ROBO1: variants seen among roughly 807,000 people sequenced by gnomAD.
The protein encoded by ROBO1 is roundabout homolog 1.
Under a neutral mutation model 195.9 loss-of-function variants are expected in ROBO1, and 149 were observed. The ratio of observed to expected loss-of-function variants is 0.76; its 90% confidence interval spans 0.67 to 0.87. The LOEUF is 0.87. Among genes scored for constraint, ROBO1 ranks in the 40% least tolerant of loss-of-function variants. The pLI, the probability that ROBO1 is intolerant of heterozygous loss-of-function variation, is 0.00. For missense variants in ROBO1, 1,933 were observed against 2,068.3 expected (o/e 0.93, Z 1.27); for synonymous variants, 816 against 733.2 (o/e 1.11, Z -1.82).
At chr3:79,636,508 T>C (rs1461615987) in intron 1 of ROBO1, among the ~76,000 whole-genome samples, 3 of 152,160 alleles carry the variant, frequency 2.0e-5, no homozygotes, top group African/African-American at 4.8e-5. Context: ...GCTGTCACAA[T>C]GGCCATCGTA....
At chr3:79,123,386 T>C (rs537828368) in intron 3 of ROBO1, among the ~76,000 whole-genome samples, 2 of 152,138 alleles carry the variant, frequency 1.3e-5, no homozygotes, top group East Asian at 3.9e-4. Context: ...TTAACTAATA[T>C]TTTTAACTAT....
intron 8 of ROBO1, among the ~76,000 whole-genome samples, chr3:78,710,011 A>C (rs1162800917): frequency 6.6e-6 from 1 of 152,220 alleles, no homozygotes; most frequent in East Asian, 1.9e-4. Context: ...ATCTAGGACT[A>C]GCTTCACTGG....
At chr3:79,578,276 G>T (rs1387369196) in intron 2 of ROBO1, among the ~76,000 whole-genome samples, 1 of 151,958 alleles carries the variant, frequency 6.6e-6, no homozygotes, top group Non-Finnish European at 1.5e-5. Context: ...GTATTTTGGT[G>T]GAAAAATACA....
intron 1 of ROBO1, among the ~76,000 whole-genome samples, chr3:79,665,629 C>T (rs1946455445): frequency 6.6e-6 from 1 of 151,798 alleles, no homozygotes; most frequent in South Asian, 2.1e-4. Context: ...GTACTCTACT[C>T]TTATAGAGAT....
At chr3:78,819,960 T>C (rs1160873284) in intron 4 of ROBO1, among the ~76,000 whole-genome samples, 1 of 152,208 alleles carries the variant, frequency 6.6e-6, no homozygotes, top group Non-Finnish European at 1.5e-5. Flanking sequence ...CCCAATGGGA[T>C]AGAACTTTTA....
intron 3 of ROBO1, among the ~76,000 whole-genome samples, chr3:79,041,375 A>C (rs368452644): frequency 3.9e-5 from 6 of 152,076 alleles, no homozygotes; most frequent in African/African-American, 1.4e-4. Flanking sequence ...CCACTTCCTC[A>C]ACCGAATCTT....
intron 4 of ROBO1, among the ~76,000 whole-genome samples, chr3:78,899,350 T>G (rs1213768346): frequency 6.6e-6 from 1 of 152,196 alleles, no homozygotes; most frequent in Non-Finnish European, 1.5e-5. Flanking sequence ...ATAATCTGAT[T>G]AGGCAATTAA....
intron 26 of ROBO1, among the ~76,000 whole-genome samples, chr3:78,622,142 G>C (rs1704495293): frequency 6.6e-6 from 1 of 151,950 alleles, no homozygotes; most frequent in Non-Finnish European, 1.5e-5. Flanking sequence ...TTGAAAAAAA[G>C]AGAAGACAAA....
intron 2 of ROBO1, among the ~76,000 whole-genome samples, chr3:79,360,995 T>A (rs1347027087): frequency 1.3e-5 from 2 of 152,118 alleles, no homozygotes; most frequent in Non-Finnish European, 2.9e-5. Context: ...GTTTTAACAT[T>A]TGTACAGTTA....
intron 3 of ROBO1, among the ~76,000 whole-genome samples, chr3:79,041,653 G>T (rs144876649): frequency 9.9e-4 from 151 of 152,298 alleles, no homozygotes; most frequent in African/African-American, 3.4e-3. Flanking sequence ...TGCAAGGACA[G>T]ATCTGCTTTT....
At chr3:79,428,293 G>T (rs1166801727) in intron 2 of ROBO1, among the ~76,000 whole-genome samples, 1 of 151,608 alleles carries the variant, frequency 6.6e-6, no homozygotes, top group African/African-American at 2.4e-5. Context: ...AAATTAAAAA[G>T]AAATATTAAT....
intron 3 of ROBO1, among the ~76,000 whole-genome samples, chr3:79,093,502 GA>G: frequency 1.3e-5 from 2 of 152,020 alleles, no homozygotes; most frequent in South Asian, 4.2e-4. Flanking sequence ...AGTACATGAC[GA>G]AAACAAAAGC....
intron 30 of ROBO1, 70 bp from the exon 31 acceptor site, chr3:78,598,997 G>T: frequency 2.3e-6 from 2 of 866,682 alleles, no homozygotes; most frequent in South Asian, 2.0e-5. Flanking sequence ...TTATTTATAT[G>T]CATTTATTAT....
At chr3:78,981,741 T>C (rs374187717) in intron 3 of ROBO1, among the ~76,000 whole-genome samples, 1 of 151,040 alleles carries the variant, frequency 6.6e-6, no homozygotes, top group East Asian at 2.0e-4. Context: ...AACCAAGGAC[T>C]TCCCAGCCTT....
rs559797189 is a variant in ROBO1, at chr3:79,730,188, A to T, written c.-51+37564T>A. Among the ~76,000 whole-genome samples, 14 of 152,302 alleles carry T rather than the reference A, an allele frequency of 9.2e-5. No homozygotes were observed. In the South Asian group the frequency reaches 1.0e-3, roughly 11 times the overall value. On this transcript the variant is annotated intron_variant, in intron 1 of 30. Coordinates refer to ENST00000464233, the MANE Select transcript of ROBO1 (RefSeq NM_002941.4). ...TATCCTATACACTGTAACCCAGGAA[A>T]TGCTATACTTTTTCCTCTAGGATAT...
chr3:79,281,157 A>G (rs1422383266), intron 2 of ROBO1, among the ~76,000 whole-genome samples: 1 of 152,260 alleles, frequency 6.6e-6, no homozygotes, highest in Non-Finnish European at 1.5e-5. Context: ...TTAGAGTAGT[A>G]AATCTTTGAT....
At chr3:79,669,698 G>A (rs567839517) in intron 1 of ROBO1, among the ~76,000 whole-genome samples, 2 of 151,892 alleles carry the variant, frequency 1.3e-5, no homozygotes, top group African/African-American at 4.8e-5. Context: ...ATGCATCACT[G>A]TATACATAAG....
chr3:79,022,289 A>C (rs890321897), intron 3 of ROBO1, among the ~76,000 whole-genome samples: 2 of 152,210 alleles, frequency 1.3e-5, no homozygotes, highest in African/African-American at 4.8e-5. Flanking sequence ...AAAGTGTGCT[A>C]TAGGGACAAG....
rs72906145 is a variant in ROBO1 at position 78,939,026 on chromosome 3, A to G, written c.173-99T>C. On this transcript the variant is annotated intron_variant, in intron 3 of 30. Coordinates refer to ENST00000464233, the MANE Select transcript of ROBO1 (RefSeq NM_002941.4). Reference sequence around the variant, plus strand: ...TTAACCATTACTATTTAAACACTGCATAACATTGGCCTAGCCTTCCTACCC... The same window carrying G: ...TTAACCATTACTATTTAAACACTGCGTAACATTGGCCTAGCCTTCCTACCC... The G allele has an allele frequency of 0.019, 19,926 of 1,054,750 alleles. 1,346 individuals are homozygous for G. The African/African-American group carries it at 0.2, about 10-fold the overall frequency. The allele number at this position is 1,054,750 out of a possible 1,614,324, so 65.3% of individuals were successfully genotyped here. A position where few individuals can be genotyped will look rare whatever the true frequency, so the allele number is the denominator to read the frequency against.
Sources: allele counts gnomAD v4.1 joint callset (sites outside exome capture counted in the v4.1 genomes callset), GRCh38; gene constraint gnomAD v4.1.1; transcripts MANE v1.5; gene names NCBI Gene and HGNC (gene_info 2026-07-23, HGNC 2026-07-21).